ADGRL1: variants seen among roughly 807,000 people sequenced by gnomAD.
ADGRL1 encodes CIRL-1.
Under a neutral mutation model 148.9 loss-of-function variants are expected in ADGRL1, and 31 were observed. The observed-to-expected ratio is 0.21, with a 90% CI of 0.16 to 0.28. The LOEUF (loss-of-function observed/expected upper bound fraction) is 0.28. Ranked by LOEUF, ADGRL1 falls within the 10% of genes least tolerant of loss-of-function variation. The pLI is 1.00. For missense variants in ADGRL1, 1,521 were observed against 2,058.8 expected, an observed-to-expected ratio of 0.74 and a Z score of 5.05; for synonymous variants, 937 against 900.3, an observed-to-expected ratio of 1.04 and a Z score of -0.73.
At position 14,151,406 on chromosome 19, in the gene ADGRL1, T is replaced by C; in HGVS notation, c.3877A>G (p.Ser1293Gly). The C allele has an allele frequency of 1.2e-6, 2 of 1,611,354 alleles. No individual in the cohort carries two copies. Among genetic ancestry groups the C allele is most frequent in the East Asian group, 2.2e-5 (1 of 44,810 alleles). ...GGCGGTGGAGGGCCCTTGGCCGCGC[T>C]GCTGCTCCCCCGCAGGTTGTTGTGC... ...LVHNNLRGSSSAAKGPPPPEP... is the reference protein window; with the variant it reads ...LVHNNLRGSSGAAKGPPPPEP... Residue 1293 changes from serine (S) to glycine (G), a missense_variant, in exon 23 of 23, where the codon AGC (serine) becomes GGC (glycine). Physicochemically the swap from Ser to Gly is moderately conservative, Grantham distance 56. Around this residue, in one of 8 missense-constraint regions of ADGRL1, gnomAD observed 390 missense variants for 375.0 expected, o/e 1.04. Transcript: ENST00000361434.
chr19:14,199,767 T>G (rs1166097721), intron 1 of ADGRL1, among the ~76,000 whole-genome samples: 1 of 149,410 alleles, frequency 6.7e-6, no homozygotes, highest in Non-Finnish European at 1.5e-5. Flanking sequence ...AGAGTCTTGC[T>G]CTGTCATCCA....
intron 16 of ADGRL1, 101 bp downstream of exon 16, chr19:14,156,557 G>GTC: frequency 1.2e-6 from 1 of 806,812 alleles, no homozygotes; most frequent in Non-Finnish European, 2.0e-6. Context: ...GAGAGAGTGT[G>GTC]TGTGTGTGTG....
At chr19:14,179,676 G>A (rs897750092) in intron 2 of ADGRL1, among the ~76,000 whole-genome samples, 1 of 152,024 alleles carries the variant, frequency 6.6e-6, no homozygotes, top group Non-Finnish European at 1.5e-5. Flanking sequence ...GGAGGTCGAG[G>A]TGGGCGAATC....
Position 14,155,198 on chromosome 19 carries a change from C to G in ADGRL1, c.3294+161G>C, listed in dbSNP as rs1599390920. On this transcript the variant is annotated intron_variant, in intron 18 of 22. Coordinates refer to ENST00000361434, the MANE Select transcript of ADGRL1 (RefSeq NM_014921.5). The surrounding 1 kb of genome is among the most constrained non-coding windows in gnomAD (Gnocchi z 5.0). Reference sequence around the variant, plus strand: ...AACCCTCCCTAACCCTGAGCTCGTGCTCCCCTCCCGGTGGACGCAGACCTG... The same window carrying G: ...AACCCTCCCTAACCCTGAGCTCGTGGTCCCCTCCCGGTGGACGCAGACCTG... The G allele has an allele frequency of 1.3e-6, 1 of 772,296 alleles. No individual in the cohort carries two copies. Among genetic ancestry groups the G allele is most frequent in the East Asian group, 2.7e-5 (1 of 37,666 alleles). 47.8% of individuals were successfully genotyped at this position (772,296 alleles called of 1,614,324 possible).
At position 14,158,436 on chromosome 19, in the gene ADGRL1, G is replaced by A; in HGVS notation, c.2266C>T (p.Leu756=). ...AGPGGPGGAS[L]VVNSQVIAAS... is the part of the protein sequence containing the mutation. ...GCGATGACCTGTGAGTTCACCACTA[G>A]AGAGGCGCCCCCAGGGCCACCCGGG... Residue 756 remains leucine (L), a synonymous_variant, in exon 12 of 23, where the codon CTA becomes TTA. Transcript: ENST00000361434. The A allele has an allele frequency of 6.2e-7, 1 of 1,613,824 alleles. No homozygotes were observed. The highest frequency in any genetic ancestry group is 1.1e-5 in the South Asian group (1 of 91,082).
rs60068370 is a variant in ADGRL1, at chr19:14,168,250, C to T, written c.394+2432G>A. ...GGGCAGCCTCTGCCTCCCTTCCCAG[C>T]GCCTCACCCAGGGCCTGGCACTCAG... On this transcript the variant is annotated intron_variant, in intron 4 of 22. Transcript: ENST00000361434. Among the ~76,000 whole-genome samples, 1,276 of 152,082 alleles carry T rather than the reference C, an allele frequency of 8.4e-3. 20 individuals are homozygous for T. The highest frequency in any genetic ancestry group is 0.029 in the African/African-American group (1,201 of 41,462).
chr19:14,162,430 G>A lies in ADGRL1; in HGVS notation c.1195+176C>T, dbSNP rs1430964894. 6.6e-6 allele frequency among the ~76,000 whole-genome samples: 1 copy of A among 152,166 alleles called. No homozygotes were observed. On this transcript the variant is annotated intron_variant, in intron 5 of 22. Coordinates refer to ENST00000361434, the MANE Select transcript of ADGRL1 (RefSeq NM_014921.5). This position sits in a 1 kb window ranked among gnomAD's most constrained non-coding sequence, Gnocchi z 5.4. Reference sequence around the variant, plus strand: ...CCTGTGTCATAGACCGTGAGGAGACGAGTTAATGACTGTGAAGTGCTTAGA... The same window carrying A: ...CCTGTGTCATAGACCGTGAGGAGACAAGTTAATGACTGTGAAGTGCTTAGA...
At chr19:14,180,707 G>A (rs995871647) in intron 2 of ADGRL1, among the ~76,000 whole-genome samples, 3 of 151,832 alleles carry the variant, frequency 2.0e-5, no homozygotes, top group Non-Finnish European at 4.4e-5. Context: ...ATACCACCAT[G>A]CCTGGCTAAT....
At chr19:14,201,665 C>T (rs1049216156) in intron 1 of ADGRL1, among the ~76,000 whole-genome samples, 4 of 152,132 alleles carry the variant, frequency 2.6e-5, no homozygotes, top group African/African-American at 9.7e-5. Context: ...ATCCTCCCAC[C>T]TCGGCTTCCC....
chr19:14,184,831 G>T (rs1971485183), intron 1 of ADGRL1, among the ~76,000 whole-genome samples: 1 of 151,754 alleles, frequency 6.6e-6, no homozygotes, highest in South Asian at 2.1e-4. Context: ...AGTCGAGATG[G>T]GGTTTCACCG....
rs774091954 is a variant in ADGRL1 at position 14,161,742 on chromosome 19, C to G, written c.1196-116G>C. ...TTCCTCATCTACTGAAGTGGAAACA[C>G]GTGCCGGGCCCCACTGGGTCTATGA... On this transcript the variant is annotated intron_variant, in intron 5 of 22. Transcript: ENST00000361434. The surrounding 1 kb of genome is among the most constrained non-coding windows in gnomAD (Gnocchi z 4.4). 1.2e-5 allele frequency: 9 copies of G among 723,564 alleles called. No individual in the cohort carries two copies. Among genetic ancestry groups the G allele is most frequent in the Non-Finnish European group, 1.8e-5 (9 of 504,546 alleles). The allele number at this position is 723,564 out of a possible 1,614,324, so 44.8% of individuals were successfully genotyped here.
In ADGRL1 at chr19:14,183,655, T is replaced by C. The variant is rs1432697219; in HGVS notation, c.-53A>G. 1.4e-6 allele frequency: 2 copies of C among 1,472,762 alleles called. No individual in the cohort carries two copies. The highest frequency in any genetic ancestry group is 1.8e-6 in the Non-Finnish European group (2 of 1,081,234). 91.2% of individuals were successfully genotyped at this position (1,472,762 alleles called of 1,614,324 possible). A position where few individuals can be genotyped will look rare whatever the true frequency, so the allele number is the denominator to read the frequency against. ...TCTCAGTGGCCTGTGCGGGGGGCTT[T>C]GCCCCACATCACCTGGCAGGCACCA... On this transcript the variant is annotated 5_prime_UTR_variant, in exon 2 of 23. Transcript: ENST00000361434.
chr19:14,205,540 GCACCCCCTCCGCTCA>G (rs1972937049), intron 1 of ADGRL1, among the ~76,000 whole-genome samples: 1 of 151,046 alleles, frequency 6.6e-6, no homozygotes, highest in East Asian at 2.0e-4. Flanking sequence ...GCGCGCACAC[GCACCCCCTCCGCTCA>G]CACCCAGACA....
chr19:14,201,417 ATTT>A (rs59270792), intron 1 of ADGRL1, among the ~76,000 whole-genome samples: 45 of 138,298 alleles, frequency 3.3e-4, no homozygotes, highest in East Asian at 8.3e-4. Flanking sequence ...AGGCAGGGGC[ATTT>A]TTTTTTTTTT....
chr19:14,159,486 G>A lies in ADGRL1; in HGVS notation c.1938C>T (p.Leu646=). The A allele has an allele frequency of 3.7e-6, 6 of 1,613,334 alleles. No individual in the cohort carries two copies. Among genetic ancestry groups the A allele is most frequent in the Non-Finnish European group, 5.1e-6 (6 of 1,179,758 alleles). The change falls in exon 10 of 23, where the codon CTC becomes CTT. Residue 646 remains leucine (L), a synonymous_variant. Coordinates refer to ENST00000361434, the MANE Select transcript of ADGRL1 (RefSeq NM_014921.5). The surrounding 1 kb of genome is among the most constrained non-coding windows in gnomAD (Gnocchi z 6.0). ...AGGCGCCCTCCTCCAGGACGTCGAGGAGCATGGTGGCCGTGTGCACCTGCT... is the reference window on the plus strand; with the variant it reads ...AGGCGCCCTCCTCCAGGACGTCGAGAAGCATGGTGGCCGTGTGCACCTGCT... ...ATEQVHTATM[L]LDVLEEGAFL...
chr19:14,192,369 T>C (rs1271247537), intron 1 of ADGRL1, among the ~76,000 whole-genome samples: 2 of 150,892 alleles, frequency 1.3e-5, no homozygotes, highest in East Asian at 3.9e-4. Flanking sequence ...GCCTCCTGAG[T>C]AGCTAGGATT....
intron 3 of ADGRL1, chr19:14,171,067 A>T (rs1258658505): frequency 2.9e-6 from 1 of 341,708 alleles, no homozygotes; most frequent in Non-Finnish European, 5.6e-6. Flanking sequence ...CGTGCTGTTG[A>T]GATCTGGTTG....
At chr19:14,175,745 TACTC>T (rs1409482915) in intron 3 of ADGRL1, among the ~76,000 whole-genome samples, 4 of 151,986 alleles carry the variant, frequency 2.6e-5, no homozygotes, top group Admixed American at 1.3e-4. Flanking sequence ...AATGCACACA[TACTC>T]ACACTCAAAT....
Position 14,152,656 on chromosome 19 carries a change from A to T in ADGRL1, c.3424-43T>A. On this transcript the variant is annotated intron_variant, in intron 19 of 22. Transcript: ENST00000361434. The surrounding 1 kb of genome is among the most constrained non-coding windows in gnomAD (Gnocchi z 6.1). Reference sequence around the variant, plus strand: ...ATGTGAGGGGATCCTTGGGCCACCCACCCTCTGGCGTCTTTCTGAGACTGC... The same window carrying T: ...ATGTGAGGGGATCCTTGGGCCACCCTCCCTCTGGCGTCTTTCTGAGACTGC... The T allele has an allele frequency of 6.2e-7, 1 of 1,605,272 alleles. No homozygotes were observed. The highest frequency in any genetic ancestry group is 2.2e-5 in the East Asian group (1 of 44,714).
Sources: allele counts gnomAD v4.1 joint callset (sites outside exome capture counted in the v4.1 genomes callset), GRCh38; gene constraint gnomAD v4.1.1; regional missense constraint gnomAD v4.1.1; non-coding constraint Gnocchi (gnomAD v3.1); transcripts MANE v1.5; gene names NCBI Gene and HGNC (gene_info 2026-07-23, HGNC 2026-07-21).